COBL: variants seen among roughly 807,000 people sequenced by gnomAD.
The protein encoded by COBL is protein cordon-bleu.
In COBL, 51 loss-of-function variants were observed where a neutral mutation model predicts 98.8. The ratio of observed to expected loss-of-function variants is 0.52; its 90% CI spans 0.41 to 0.65. The LOEUF (loss-of-function observed/expected upper bound fraction) is 0.65. COBL is among the 30% of genes least tolerant of loss of function. The pLI, the probability that COBL is intolerant of heterozygous loss-of-function variation, is 0.00. For synonymous variants in COBL, 634 were observed against 651.7 expected, an observed-to-expected ratio of 0.97 and a Z score of 0.41; for missense variants, 1,617 against 1,617.5, an observed-to-expected ratio of 1.00 and a Z score of 0.01.
At chr7:51,208,869 T>C (rs1259352405) in intron 2 of COBL, among the ~76,000 whole-genome samples, 1 of 151,804 alleles carries the variant, frequency 6.6e-6, no homozygotes, top group Non-Finnish European at 1.5e-5. Flanking sequence ...GGCAGAGTCA[T>C]CACCACTCCC....
chr7:51,295,778 C>T (rs919424639), intron 1 of COBL, among the ~76,000 whole-genome samples: 2 of 152,162 alleles, frequency 1.3e-5, no homozygotes, highest in East Asian at 1.9e-4. Flanking sequence ...TTAACCTTTC[C>T]GAAAAATTTC....
chr7:51,276,150 C>T (rs1303735237), intron 1 of COBL, among the ~76,000 whole-genome samples: 1 of 152,152 alleles, frequency 6.6e-6, no homozygotes, highest in African/African-American at 2.4e-5. Flanking sequence ...TCTAAGGAGC[C>T]CATTTTAATT....
At chr7:51,066,673 A>G (rs1791961070) in intron 7 of COBL, among the ~76,000 whole-genome samples, 1 of 152,194 alleles carries the variant, frequency 6.6e-6, no homozygotes, top group Non-Finnish European at 1.5e-5. Context: ...CACTTTAGCC[A>G]TCATCACTTC....
chr7:51,136,571 C>A (rs887611638), intron 5 of COBL, among the ~76,000 whole-genome samples: 3 of 152,182 alleles, frequency 2.0e-5, no homozygotes, highest in South Asian at 2.1e-4. Context: ...AAGGCCATGG[C>A]AGACTCTTTA....
At chr7:51,194,749 T>C (rs1790436963) in intron 2 of COBL, among the ~76,000 whole-genome samples, 1 of 152,244 alleles carries the variant, frequency 6.6e-6, no homozygotes, top group Non-Finnish European at 1.5e-5. Flanking sequence ...GTTGGCCTCA[T>C]GTGTGTCTTC....
At chr7:51,293,633 T>C (rs1266469286) in intron 1 of COBL, among the ~76,000 whole-genome samples, 1 of 152,192 alleles carries the variant, frequency 6.6e-6, no homozygotes, top group Non-Finnish European at 1.5e-5. Context: ...GTCACACACA[T>C]CAAAATTCAT....
chr7:51,096,817 A>G (rs1054279878), intron 6 of COBL, among the ~76,000 whole-genome samples: 25 of 152,296 alleles, frequency 1.6e-4, no homozygotes, highest in African/African-American at 5.8e-4. Context: ...TTCTGGACAT[A>G]ACCTATAAGC....
intron 10 of COBL, among the ~76,000 whole-genome samples, chr7:51,026,906 AAAAG>A (rs144292628): frequency 9.5e-4 from 144 of 152,296 alleles, no homozygotes; most frequent in African/African-American, 3.4e-3. Context: ...TCAGGAAAAA[AAAAG>A]AAAGAAAATC....
intron 8 of COBL, among the ~76,000 whole-genome samples, chr7:51,042,232 A>C (rs115604091): frequency 9.8e-5 from 15 of 152,354 alleles, no homozygotes; most frequent in African/African-American, 3.6e-4. Flanking sequence ...TAGAATGTAA[A>C]GACAATCATT....
chr7:51,061,491 T>A (rs1290107563), intron 7 of COBL, among the ~76,000 whole-genome samples: 1 of 152,102 alleles, frequency 6.6e-6, no homozygotes, highest in Non-Finnish European at 1.5e-5. Context: ...AATTGTGACC[T>A]TGTTTTGTCT....
rs558283460 is a variant in COBL, at chr7:51,190,706, A to C, written c.685+144T>G. Reference sequence around the variant, plus strand: ...AACAGGCCAGATTTCTTTTTTGCCTACTTCAACTTGACTTGCCTGGAACTT... The same window carrying C: ...AACAGGCCAGATTTCTTTTTTGCCTCCTTCAACTTGACTTGCCTGGAACTT... On this transcript the variant is annotated intron_variant, in intron 4 of 12. Coordinates refer to ENST00000265136, the MANE Select transcript of COBL (RefSeq NM_015198.5). The C allele has an allele frequency of 3.7e-5, 24 of 655,836 alleles. No homozygotes were observed. In the East Asian group the frequency reaches 5.2e-4, roughly 14 times the overall value. The allele number at this position is 655,836 out of a possible 1,614,324, so 40.6% of individuals were successfully genotyped here. A position where few individuals can be genotyped will look rare whatever the true frequency, so the allele number is the denominator to read the frequency against.
chr7:51,152,184 G>GCCCA (rs1179581392), intron 5 of COBL, among the ~76,000 whole-genome samples: 3 of 152,186 alleles, frequency 2.0e-5, no homozygotes, highest in Non-Finnish European at 4.4e-5. Flanking sequence ...CAAGGGACAG[G>GCCCA]CCCAAGACAA....
intron 2 of COBL, among the ~76,000 whole-genome samples, chr7:51,215,242 G>A (rs1792919069): frequency 1.3e-5 from 2 of 152,184 alleles, no homozygotes; most frequent in African/African-American, 4.8e-5. Context: ...GTGAAGATAA[G>A]CAGTTCATAG....
rs140385658 is a variant in COBL, at chr7:51,156,509, G to C, written c.784-20178C>G. Reference sequence around the variant, plus strand: ...GGAGGCTGTCATTCAAAGGAGTTACGCTCACCATATAATTACAGATCCAGA... The same window carrying C: ...GGAGGCTGTCATTCAAAGGAGTTACCCTCACCATATAATTACAGATCCAGA... On this transcript the variant is annotated intron_variant, in intron 5 of 12. Coordinates refer to ENST00000265136, the MANE Select transcript of COBL (RefSeq NM_015198.5). The C allele has an allele frequency of 5.2e-4, 511 of 984,930 alleles. 2 individuals are homozygous for C. In the African/African-American group the frequency reaches 8.5e-3, roughly 16 times the overall value. The allele number at this position is 984,930 out of a possible 1,614,324, so 61.0% of individuals were successfully genotyped here. A position where few individuals can be genotyped will look rare whatever the true frequency, so the allele number is the denominator to read the frequency against.
intron 7 of COBL, among the ~76,000 whole-genome samples, chr7:51,043,993 T>A (rs1270070277): frequency 2.0e-5 from 3 of 152,222 alleles, no homozygotes; most frequent in Admixed American, 6.5e-5. Flanking sequence ...TTCAAACTAA[T>A]GACATGTTGA....
Position 51,016,809 on chromosome 7 carries a change from T to A in COBL, c.*742A>T, listed in dbSNP as rs1233879161. The A allele has an allele frequency of 5.0e-6, 2 of 397,450 alleles. No individual in the cohort carries two copies. Among genetic ancestry groups the A allele is most frequent in the Non-Finnish European group, 8.9e-6 (2 of 225,976 alleles). 24.6% of individuals were successfully genotyped at this position (397,450 alleles called of 1,614,324 possible). On this transcript the variant is annotated 3_prime_UTR_variant, in exon 13 of 13. Transcript: ENST00000265136. ...GGCTGTCCATGTGGGGCACTGCCCATCCACTCCAGTGGTGGTGTGACCTCA... is the reference window on the plus strand; with the variant it reads ...GGCTGTCCATGTGGGGCACTGCCCAACCACTCCAGTGGTGGTGTGACCTCA...
At chr7:51,240,101 C>A (rs1330511735) in intron 1 of COBL, among the ~76,000 whole-genome samples, 1 of 152,118 alleles carries the variant, frequency 6.6e-6, no homozygotes, top group Non-Finnish European at 1.5e-5. Context: ...TTTAAACATG[C>A]AAGAACCACT....
intron 6 of COBL, among the ~76,000 whole-genome samples, chr7:51,122,333 C>G (rs1393824741): frequency 6.6e-6 from 1 of 152,156 alleles, no homozygotes; most frequent in East Asian, 1.9e-4. Context: ...ACAGGCTCTG[C>G]AGTGGGAGGT....
chr7:51,303,874 T>A (rs760100782), intron 1 of COBL, among the ~76,000 whole-genome samples: 12 of 152,228 alleles, frequency 7.9e-5, no homozygotes, highest in Non-Finnish European at 1.5e-4. Context: ...TATTTTTCTC[T>A]GAGTGGTCTG....
Sources: gnomAD v4.1 joint callset for allele counts (sites outside exome capture counted in the v4.1 genomes callset) on GRCh38, gnomAD v4.1.1 for gene constraint, MANE v1.5 for transcripts, NCBI Gene and HGNC (gene_info 2026-07-23, HGNC 2026-07-21) for gene names.